NRXN1: variants seen among roughly 807,000 people sequenced by gnomAD.
The protein encoded by NRXN1 is neurexin-1.
A neutral mutation model predicts 150.9 loss-of-function variants in NRXN1; 39 were observed. That is an observed-to-expected ratio of 0.26 (90% confidence interval 0.20 to 0.34). NRXN1 has a LOEUF of 0.34. NRXN1 is among the 10% of genes least tolerant of loss of function. The probability of loss-of-function intolerance (pLI) is 1.00; values close to 1 mark genes in which losing one functional copy is unlikely to be tolerated. For synonymous variants in NRXN1, 924 were observed against 757.0 expected, an observed-to-expected ratio of 1.22 and a Z score of -3.62; for missense variants, 1,815 against 1,949.9, an observed-to-expected ratio of 0.93 and a Z score of 1.30.
intron 18 of NRXN1, among the ~76,000 whole-genome samples, chr2:50,191,058 T>G (rs890315451): frequency 1.3e-5 from 2 of 151,452 alleles, no homozygotes; most frequent in Non-Finnish European, 2.9e-5. Flanking sequence ...AGACGGAGTC[T>G]CACTCTGTGG....
intron 17 of NRXN1, among the ~76,000 whole-genome samples, chr2:50,464,924 G>C (rs1347949677): frequency 6.6e-6 from 1 of 151,742 alleles, no homozygotes; most frequent in Non-Finnish European, 1.5e-5. Flanking sequence ...AGGATTTTAA[G>C]GGGAAAAACA....
intron 18 of NRXN1, among the ~76,000 whole-genome samples, chr2:50,103,266 A>T (rs1038121531): frequency 2.0e-5 from 3 of 152,068 alleles, no homozygotes; most frequent in African/African-American, 7.2e-5. Context: ...TGTGTGGTGG[A>T]ATGTCTTGTT....
chr2:50,443,456 T>C (rs545999163), intron 17 of NRXN1, among the ~76,000 whole-genome samples: 3 of 152,294 alleles, frequency 2.0e-5, no homozygotes, highest in South Asian at 2.1e-4. Context: ...TAGCAGCTCA[T>C]GTTCTTATTA....
intron 17 of NRXN1, among the ~76,000 whole-genome samples, chr2:50,444,929 A>T (rs929550542): frequency 1.3e-5 from 2 of 151,960 alleles, no homozygotes; most frequent in Admixed American, 1.3e-4. Context: ...TTGATTACTG[A>T]GCTTTTTGGT....
At chr2:50,448,449 G>A (rs976886238) in intron 17 of NRXN1, among the ~76,000 whole-genome samples, 1 of 152,144 alleles carries the variant, frequency 6.6e-6, no homozygotes, top group Non-Finnish European at 1.5e-5. Context: ...GGGGCCCTCG[G>A]AGATGATAAT....
At chr2:50,502,495 C>T (rs1457270560) in intron 13 of NRXN1, among the ~76,000 whole-genome samples, 1 of 152,054 alleles carries the variant, frequency 6.6e-6, no homozygotes, top group Non-Finnish European at 1.5e-5. Flanking sequence ...CACACACACA[C>T]ACGAGTCATG....
At chr2:50,454,314 A>G (rs920838089) in intron 17 of NRXN1, among the ~76,000 whole-genome samples, 1 of 152,172 alleles carries the variant, frequency 6.6e-6, no homozygotes, top group Non-Finnish European at 1.5e-5. Flanking sequence ...TGACAGAGTG[A>G]GAATCCATCT....
Position 50,510,835 on chromosome 2 carries a change from G to C in NRXN1, c.2375-4218C>G, listed in dbSNP as rs537199784. On this transcript the variant is annotated intron_variant, in intron 12 of 22. Coordinates refer to ENST00000401669, the MANE Select transcript of NRXN1 (RefSeq NM_001330078.2). ...GTAGTGTAAGAGGTACAACGGGACT[G>C]AATGCCCCCAGCTAATATTTCACCA... 6.6e-5 allele frequency among the ~76,000 whole-genome samples: 10 copies of C among 152,220 alleles called. No individual in the cohort carries two copies. The South Asian group carries it at 8.3e-4, about 13-fold the overall frequency.
chr2:50,102,027 T>C lies in NRXN1; in HGVS notation c.3547-10533A>G, dbSNP rs370742704. Among the ~76,000 whole-genome samples, 4 of 151,990 alleles carry C rather than the reference T, an allele frequency of 2.6e-5. No homozygotes were observed. In the East Asian group the frequency reaches 5.8e-4, roughly 22 times the overall value. ...GGAAAAAAATGTGTGTATATGGGCA[T>C]AGAAATGCATTTACCAATGAATATT... is the stretch of plus-strand genomic sequence containing the variant. On this transcript the variant is annotated intron_variant, in intron 18 of 22. Coordinates refer to ENST00000401669, the MANE Select transcript of NRXN1 (RefSeq NM_001330078.2).
chr2:50,572,810 T>A (rs1425989975), intron 8 of NRXN1, among the ~76,000 whole-genome samples: 1 of 152,226 alleles, frequency 6.6e-6, no homozygotes, highest in South Asian at 2.1e-4. Flanking sequence ...AGATTATTTA[T>A]TTTCTTAGTG....
intron 18 of NRXN1, among the ~76,000 whole-genome samples, chr2:50,228,410 A>C (rs1016504651): frequency 6.6e-6 from 1 of 151,994 alleles, no homozygotes; most frequent in African/African-American, 2.4e-5. Context: ...CACGGAGTAA[A>C]AGATGTCAAA....
intron 19 of NRXN1, among the ~76,000 whole-genome samples, chr2:50,084,159 G>C (rs1356361966): frequency 6.6e-6 from 1 of 152,218 alleles, no homozygotes; most frequent in African/African-American, 2.4e-5. Context: ...CCAAACTCAG[G>C]AGCCCAGCTG....
At chr2:49,928,971 A>G (rs2104142945) in intron 22 of NRXN1, among the ~76,000 whole-genome samples, 1 of 152,252 alleles carries the variant, frequency 6.6e-6, no homozygotes, top group Middle Eastern at 3.4e-3. Context: ...GGAGATTTAG[A>G]AAGAACTTGG....
intron 20 of NRXN1, among the ~76,000 whole-genome samples, chr2:50,054,732 G>A (rs1693331038): frequency 1.3e-5 from 2 of 152,048 alleles, no homozygotes; most frequent in South Asian, 4.1e-4. Context: ...TTAACCTTAA[G>A]TTAACTGGGT....
intron 8 of NRXN1, among the ~76,000 whole-genome samples, chr2:50,575,847 T>C (rs1257392966): frequency 1.3e-5 from 2 of 152,168 alleles, no homozygotes; most frequent in African/African-American, 2.4e-5. Flanking sequence ...AACTTTTTCT[T>C]TGGAGGCAAA....
chr2:50,878,972 T>C (rs1225555202), intron 5 of NRXN1, among the ~76,000 whole-genome samples: 1 of 151,956 alleles, frequency 6.6e-6, no homozygotes, highest in Non-Finnish European at 1.5e-5. Context: ...ATGGGTAATT[T>C]TTGTTTTATG....
chr2:50,443,394 T>C (rs1487439528), intron 17 of NRXN1, among the ~76,000 whole-genome samples: 1 of 152,214 alleles, frequency 6.6e-6, no homozygotes, highest in Non-Finnish European at 1.5e-5. Flanking sequence ...TTCAGTCGTA[T>C]AGAAAGTGTG....
chr2:50,552,007 G>A (rs1667611391), intron 9 of NRXN1, among the ~76,000 whole-genome samples: 2 of 152,256 alleles, frequency 1.3e-5, no homozygotes, highest in South Asian at 4.2e-4. Context: ...TGCAGCAACA[G>A]GAAGCAGAAT....
chr2:50,822,528 A>G (rs2105834253), intron 5 of NRXN1, among the ~76,000 whole-genome samples: 1 of 152,282 alleles, frequency 6.6e-6, no homozygotes, highest in Admixed American at 6.5e-5. Context: ...TGATGCAGTT[A>G]GCCTATAGAT....
Sources: allele counts gnomAD v4.1 joint callset (sites outside exome capture counted in the v4.1 genomes callset), GRCh38; gene constraint gnomAD v4.1.1; transcripts MANE v1.5; gene names NCBI Gene and HGNC (gene_info 2026-07-23, HGNC 2026-07-21).